ANXA10: variants seen among roughly 807,000 people sequenced by gnomAD.
ANXA10 encodes annexin 14.
In ANXA10, 49 loss-of-function variants were observed where a neutral mutation model predicts 53.5. The ratio of observed to expected loss-of-function variants is 0.92; its 90% CI spans 0.73 to 1.16. ANXA10 has a LOEUF of 1.16. Among genes scored for constraint, ANXA10 ranks in the 50% most tolerant of loss-of-function variants. The probability of loss-of-function intolerance (pLI) is 0.00; values close to 1 mark genes in which losing one functional copy is unlikely to be tolerated. For missense variants in ANXA10, 393 were observed against 394.4 expected (o/e 1.00, Z 0.03); for synonymous variants, 131 against 128.9 (o/e 1.02, Z -0.11).
chr4:168,163,040 A>C (rs1477689273), intron 4 of ANXA10, among the ~76,000 whole-genome samples: 1 of 152,238 alleles, frequency 6.6e-6, no homozygotes, highest in African/African-American at 2.4e-5. Context: ...TGATTAAGTC[A>C]AAAGAAGATA....
chr4:168,099,238 C>G (rs770566730), intron 1 of ANXA10, among the ~76,000 whole-genome samples: 1 of 151,900 alleles, frequency 6.6e-6, no homozygotes. Context: ...ATTGTTCAAC[C>G]CTTTGGAGAT....
At chr4:168,185,342 T>C (rs547190) in intron 11 of ANXA10, among the ~76,000 whole-genome samples, 24,607 of 152,160 alleles carry the variant, frequency 0.16, 2,246 homozygotes, top group Non-Finnish European at 0.21. Flanking sequence ...AAAGGCTGCA[T>C]TACTTTTGAA....
chr4:168,183,334 CCTATT>C (rs1732299049), intron 10 of ANXA10, among the ~76,000 whole-genome samples: 1 of 152,156 alleles, frequency 6.6e-6, no homozygotes, highest in South Asian at 2.1e-4. Context: ...TTGCTTCTCT[CCTATT>C]CTATTTTCTA....
chr4:168,158,551 C>T (rs1420913441), intron 3 of ANXA10, among the ~76,000 whole-genome samples: 1 of 151,998 alleles, frequency 6.6e-6, no homozygotes, highest in Non-Finnish European at 1.5e-5. Flanking sequence ...TTAGTTTTGG[C>T]TTTTCTTTTT....
At chr4:168,182,785 T>A (rs866614) in intron 10 of ANXA10, among the ~76,000 whole-genome samples, 2 of 146,964 alleles carry the variant, frequency 1.4e-5, no homozygotes, top group African/African-American at 2.5e-5. Flanking sequence ...CCGAGGCGGG[T>A]GGATCACGAG....
chr4:168,128,901 T>G (rs1470491102), intron 2 of ANXA10, among the ~76,000 whole-genome samples: 1 of 151,768 alleles, frequency 6.6e-6, no homozygotes, highest in African/African-American at 2.4e-5. Context: ...AAAAAGTATA[T>G]AGAGAGAGAA....
At chr4:168,140,618 C>CTT (rs35945870) in intron 3 of ANXA10, among the ~76,000 whole-genome samples, 182 of 147,072 alleles carry the variant, frequency 1.2e-3, no homozygotes, top group African/African-American at 3.7e-3. Flanking sequence ...TAAGAAATGT[C>CTT]TTTTTTTTTT....
intron 2 of ANXA10, among the ~76,000 whole-genome samples, chr4:168,135,722 CA>C (rs1301067752): frequency 3.3e-5 from 5 of 152,140 alleles, no homozygotes; most frequent in Admixed American, 3.3e-4. Context: ...ATGACAGGTT[CA>C]CTCTATCCCT....
chr4:168,109,317 A>G (rs1730766188), intron 1 of ANXA10, among the ~76,000 whole-genome samples: 1 of 152,222 alleles, frequency 6.6e-6, no homozygotes. Flanking sequence ...AAAACACAGT[A>G]TGAATTTTAA....
At chr4:168,183,009 GAA>G (rs747151480) in intron 10 of ANXA10, among the ~76,000 whole-genome samples, 1 of 93,390 alleles carries the variant, frequency 1.1e-5, no homozygotes, top group Admixed American at 1.3e-4. Flanking sequence ...CACCGTCTCG[GAA>G]AAAAAAAAAA....
At chr4:168,146,760 A>G (rs900575756) in intron 3 of ANXA10, among the ~76,000 whole-genome samples, 3 of 144,330 alleles carry the variant, frequency 2.1e-5, no homozygotes. Flanking sequence ...CACAGACTAC[A>G]GAAGGAAACT....
At chr4:168,132,517 A>G (rs115901422) in intron 2 of ANXA10, among the ~76,000 whole-genome samples, 3,755 of 152,220 alleles carry the variant, frequency 0.025, 59 homozygotes, top group Middle Eastern at 0.041. Context: ...AGGATGGTTC[A>G]TGGGTACAAA....
At chr4:168,101,746 C>G (rs918136862) in intron 1 of ANXA10, among the ~76,000 whole-genome samples, 5 of 151,770 alleles carry the variant, frequency 3.3e-5, no homozygotes, top group Middle Eastern at 3.4e-3. Flanking sequence ...GTATACTAAC[C>G]CATTTATCTG....
intron 3 of ANXA10, among the ~76,000 whole-genome samples, chr4:168,159,769 T>G (rs562719796): frequency 6.6e-6 from 1 of 152,170 alleles, no homozygotes; most frequent in Non-Finnish European, 1.5e-5. Context: ...ATTTTCTCTC[T>G]TGTTATAATG....
Position 168,129,259 on chromosome 4 carries a change from G to A in ANXA10, c.100+1094G>A, listed in dbSNP as rs895867227. Among the ~76,000 whole-genome samples the A allele has an allele frequency of 5.7e-4, 87 of 152,146 alleles. 2 individuals carry two copies. The highest frequency in any genetic ancestry group is 1.8e-4 in the Non-Finnish European group (12 of 68,026). Reference sequence around the variant, plus strand: ...GACTTAAAATATGCTCGCTAAAGCTGACTTTAGGAGTTTGCAATGCTTTCA... The same window carrying A: ...GACTTAAAATATGCTCGCTAAAGCTAACTTTAGGAGTTTGCAATGCTTTCA... On this transcript the variant is annotated intron_variant, in intron 2 of 11. Coordinates refer to ENST00000359299, the MANE Select transcript of ANXA10 (RefSeq NM_007193.5).
chr4:168,104,549 T>C (rs535962512), intron 1 of ANXA10, among the ~76,000 whole-genome samples: 3 of 152,098 alleles, frequency 2.0e-5, no homozygotes, highest in Admixed American at 6.5e-5. Context: ...GGTTTCTAAA[T>C]ACAAATTCAA....
At chr4:168,117,705 A>G (rs1199657202) in intron 1 of ANXA10, among the ~76,000 whole-genome samples, 1 of 152,240 alleles carries the variant, frequency 6.6e-6, no homozygotes. Context: ...TAGACCAAAG[A>G]CTTCCAATAT....
chr4:168,174,482 T>G (rs1273002763), intron 6 of ANXA10, among the ~76,000 whole-genome samples: 1 of 152,146 alleles, frequency 6.6e-6, no homozygotes, highest in African/African-American at 2.4e-5. Context: ...CTCTGCGGGC[T>G]GAGTGCGCAG....
At chr4:168,143,832 C>T (rs1347037012) in intron 3 of ANXA10, among the ~76,000 whole-genome samples, 1 of 152,188 alleles carries the variant, frequency 6.6e-6, no homozygotes, top group East Asian at 1.9e-4. Flanking sequence ...CAACCAAGGT[C>T]ATCTGACTAT....
Sources: allele counts gnomAD v4.1 joint callset (sites outside exome capture counted in the v4.1 genomes callset), GRCh38; gene constraint gnomAD v4.1.1; transcripts MANE v1.5; gene names NCBI Gene and HGNC (gene_info 2026-07-23, HGNC 2026-07-21).